The following FGF14 variants were observed in gnomAD, a reference collection of about 807,000 sequenced individuals.
The protein encoded by FGF14 is fibroblast growth factor 14, also known as fibroblast growth factor homologous factor 4.
A neutral mutation model predicts 25.5 loss-of-function variants in FGF14; 5 were observed. The observed-to-expected ratio is 0.20, with a 90% CI of 0.10 to 0.41. The LOEUF is 0.41. Among genes scored for constraint, FGF14 ranks in the 10% least tolerant of loss-of-function variants. The pLI is 1.00. For synonymous variants in FGF14, 138 were observed against 118.3 expected, an observed-to-expected ratio of 1.17 and a Z score of -1.08; for missense variants, 222 against 320.1, an observed-to-expected ratio of 0.69 and a Z score of 2.34.
chr13:102,292,673 C>T (rs1292774517), intron 1 of FGF14: 2 of 152,140 alleles, frequency 1.3e-5, no homozygotes, highest in Non-Finnish European at 2.9e-5. Context: ...AACAATGGGC[C>T]TGAGACTCAG....
chr13:102,369,556 T>C lies in FGF14; in HGVS notation c.208+31915A>G, dbSNP rs576999631. ...GACATTATCCAAAGGGATGTTACAA[T>C]GTCGCACTTTCTCCCTACCCTAAGG... On this transcript the variant is annotated intron_variant, in intron 1 of 4. Transcript: ENST00000376131. Among the ~76,000 whole-genome samples the C allele has an allele frequency of 2.6e-5, 4 of 152,312 alleles. No homozygotes were observed. In the South Asian group the frequency reaches 6.2e-4, roughly 24 times the overall value.
rs985097984 is a variant in FGF14, at chr13:102,167,103, C to A, written c.208+234368G>T. ...ATCACCTGAGGTCAGGAGTTCGAGA[C>A]CAGCCTGGCCAACATGGTGAAACCC... On this transcript the variant is annotated intron_variant, in intron 1 of 4. Coordinates refer to the FGF14 transcript ENST00000376131. Among the ~76,000 whole-genome samples the A allele has an allele frequency of 3.9e-5, 6 of 152,080 alleles. No individual in the cohort carries two copies. In the South Asian group the frequency reaches 1.0e-3, roughly 26 times the overall value.
intron 1 of FGF14, among the ~76,000 whole-genome samples, chr13:102,055,648 G>C (rs560641000): frequency 6.6e-6 from 1 of 152,120 alleles, no homozygotes; most frequent in African/African-American, 2.4e-5. Context: ...GGAGACATGC[G>C]TACTTCTGCC....
At chr13:102,380,841 TAA>T (rs781304968) in intron 1 of FGF14, among the ~76,000 whole-genome samples, 2 of 152,084 alleles carry the variant, frequency 1.3e-5, no homozygotes, top group East Asian at 1.9e-4. Context: ...TAAACACAGA[TAA>T]AGAGTCAGAA....
intron 2 of FGF14, among the ~76,000 whole-genome samples, chr13:101,871,905 T>G (rs11841461): frequency 6.6e-6 from 1 of 150,480 alleles, no homozygotes; most frequent in Admixed American, 6.6e-5. Flanking sequence ...ACAATTTTTG[T>G]GCTACTTTTC....
chr13:102,392,430 C>A (rs2058454581), intron 1 of FGF14, among the ~76,000 whole-genome samples: 1 of 152,146 alleles, frequency 6.6e-6, no homozygotes, highest in Non-Finnish European at 1.5e-5. Context: ...TATTGTAAAG[C>A]ATTTTTTCCC....
intron 3 of FGF14, among the ~76,000 whole-genome samples, chr13:101,863,735 C>T (rs1409114876): frequency 6.6e-6 from 1 of 152,070 alleles, no homozygotes; most frequent in Non-Finnish European, 1.5e-5. Flanking sequence ...TATTTCTATA[C>T]CCTAAACTTG....
intron 1 of FGF14, among the ~76,000 whole-genome samples, chr13:102,029,417 C>T (rs1004335976): frequency 2.0e-5 from 3 of 152,012 alleles, no homozygotes; most frequent in Non-Finnish European, 4.4e-5. Context: ...TTTTATCTTA[C>T]AGCAGAGCTA....
chr13:102,071,288 A>T (rs1050655316), intron 1 of FGF14, among the ~76,000 whole-genome samples: 59 of 152,198 alleles, frequency 3.9e-4, no homozygotes, highest in African/African-American at 1.4e-3. Context: ...TTTGTGGATA[A>T]GCAAAGGAAA....
chr13:102,291,767 A>C (rs1242343776), intron 1 of FGF14, among the ~76,000 whole-genome samples: 2 of 152,084 alleles, frequency 1.3e-5, no homozygotes, highest in South Asian at 2.1e-4. Context: ...ACCTGAAAGG[A>C]TTCAACAGGT....
At chr13:101,811,196 C>T (rs920960436) in intron 3 of FGF14, among the ~76,000 whole-genome samples, 1 of 152,068 alleles carries the variant, frequency 6.6e-6, no homozygotes, top group Non-Finnish European at 1.5e-5. Context: ...TGTATAATGA[C>T]ATATATCCAC....
chr13:102,103,709 A>G (rs1418888208), intron 1 of FGF14, among the ~76,000 whole-genome samples: 2 of 152,184 alleles, frequency 1.3e-5, no homozygotes, highest in Non-Finnish European at 2.9e-5. Flanking sequence ...CACACTGAGT[A>G]GCACTGTTTT....
chr13:101,992,779 A>C (rs748687393), intron 1 of FGF14, among the ~76,000 whole-genome samples: 17 of 152,140 alleles, frequency 1.1e-4, no homozygotes, highest in Non-Finnish European at 2.4e-4. Context: ...AGAAATTTCC[A>C]AAATTGAAAA....
intron 1 of FGF14, among the ~76,000 whole-genome samples, chr13:102,023,998 C>G (rs2040802458): frequency 6.6e-6 from 1 of 152,000 alleles, no homozygotes; most frequent in Admixed American, 6.6e-5. Context: ...TTGTGTCGAT[C>G]TACCACATTT....
At chr13:102,276,466 T>A (rs1410301299) in intron 1 of FGF14, among the ~76,000 whole-genome samples, 1 of 150,990 alleles carries the variant, frequency 6.6e-6, no homozygotes, top group African/African-American at 2.4e-5. Flanking sequence ...ATATTTAGAG[T>A]ATGGAAACTT....
At chr13:101,916,171 G>A (rs2139122463) in intron 1 of FGF14, among the ~76,000 whole-genome samples, 1 of 152,348 alleles carries the variant, frequency 6.6e-6, no homozygotes, top group African/African-American at 2.4e-5. Flanking sequence ...GAGACTCAGG[G>A]GGAACAGGTT....
intron 1 of FGF14, among the ~76,000 whole-genome samples, chr13:102,134,404 C>G (rs1204889894): frequency 6.6e-6 from 1 of 152,150 alleles, no homozygotes; most frequent in East Asian, 1.9e-4. Context: ...AATCAATTGT[C>G]CTGAATGGAA....
rs561800884 is a variant in FGF14 at position 101,971,108 on chromosome 13, T to C, written c.209-95812A>G. On this transcript the variant is annotated intron_variant, in intron 1 of 4. Transcript: ENST00000376131. The stretch of plus-strand genomic sequence containing the variant: ...GGGTGGAAAGTTCCCTTCACCCCAA[T>C]AGATCCTAGATAGATAAGAAAATAA... Among the ~76,000 whole-genome samples, 7 of 152,312 alleles carry C rather than the reference T, an allele frequency of 4.6e-5. No individual in the cohort carries two copies. The East Asian group carries it at 5.8e-4, about 13-fold the overall frequency.
At chr13:102,339,046 T>C (rs2056874045) in intron 1 of FGF14, among the ~76,000 whole-genome samples, 1 of 150,640 alleles carries the variant, frequency 6.6e-6, no homozygotes, top group Admixed American at 6.6e-5. Context: ...AAAAGTTCCC[T>C]GAAAATAAAA....
Sources: gnomAD v4.1 joint callset for allele counts (sites outside exome capture counted in the v4.1 genomes callset) on GRCh38, gnomAD v4.1.1 for gene constraint, MANE v1.5 for transcripts, NCBI Gene and HGNC (gene_info 2026-07-23, HGNC 2026-07-21) for gene names.